The following LHFPL3 variants were observed in gnomAD, a reference collection of about 807,000 sequenced individuals.
LHFPL3 encodes LHFPL tetraspan subfamily member 3.
A neutral mutation model predicts 19.3 loss-of-function variants in LHFPL3; 5 were observed. That is an observed-to-expected ratio of 0.26 (90% CI 0.14 to 0.54). LHFPL3 has a LOEUF of 0.54. Ranked by LOEUF, LHFPL3 falls within the 20% of genes least tolerant of loss-of-function variation. The pLI, the probability that LHFPL3 is intolerant of heterozygous loss-of-function variation, is 0.94. For missense variants in LHFPL3, 249 were observed against 307.4 expected, an observed-to-expected ratio of 0.81 and a Z score of 1.42; for synonymous variants, 133 against 126.2, an observed-to-expected ratio of 1.05 and a Z score of -0.36.
At chr7:104,354,073 T>A (rs186143408) in intron 1 of LHFPL3, among the ~76,000 whole-genome samples, 1 of 152,356 alleles carries the variant, frequency 6.6e-6, no homozygotes, top group Admixed American at 6.5e-5. Flanking sequence ...AAAAAATCTC[T>A]CTTGTGTTCC....
At position 104,684,766 on chromosome 7, in the gene LHFPL3, T is replaced by C. The variant is rs565695682; in HGVS notation, c.446-51909T>C. Among the ~76,000 whole-genome samples the C allele has an allele frequency of 7.9e-5, 12 of 152,256 alleles. No individual in the cohort carries two copies. In the East Asian group the frequency reaches 2.3e-3, roughly 29 times the overall value. On this transcript the variant is annotated intron_variant, in intron 1 of 2. Coordinates refer to ENST00000424859, the MANE Select transcript of LHFPL3 (RefSeq NM_199000.3). ...CAGCCCTAGACACTCTACCCTGCCATTCCCTGCCAGGACCAGCCCAGGGCA... is the reference window on the plus strand; with the variant it reads ...CAGCCCTAGACACTCTACCCTGCCACTCCCTGCCAGGACCAGCCCAGGGCA...
At chr7:104,899,300 G>A (rs1792436149) in intron 2 of LHFPL3, among the ~76,000 whole-genome samples, 1 of 152,160 alleles carries the variant, frequency 6.6e-6, no homozygotes, top group African/African-American at 2.4e-5. Flanking sequence ...CAGCTGGTAA[G>A]TTGTTGAATT....
intron 1 of LHFPL3, among the ~76,000 whole-genome samples, chr7:104,345,542 G>A (rs1790048801): frequency 6.6e-6 from 1 of 152,070 alleles, no homozygotes; most frequent in African/African-American, 2.4e-5. Context: ...AGCAGGAATT[G>A]CCTGCAACCA....
intron 1 of LHFPL3, among the ~76,000 whole-genome samples, chr7:104,600,725 A>G (rs554740506): frequency 6.6e-6 from 1 of 152,302 alleles, no homozygotes; most frequent in African/African-American, 2.4e-5. Context: ...ATAGCACCCT[A>G]TGGCCTATAA....
intron 2 of LHFPL3, among the ~76,000 whole-genome samples, chr7:104,871,934 AG>A (rs1427629775): frequency 2.0e-5 from 3 of 152,092 alleles, no homozygotes; most frequent in Non-Finnish European, 4.4e-5. Context: ...CTGGGATTAC[AG>A]GTGTGAGCCA....
intron 2 of LHFPL3, among the ~76,000 whole-genome samples, chr7:104,743,637 T>TG (rs1793978148): frequency 6.6e-6 from 1 of 152,212 alleles, no homozygotes. Context: ...CCATATAACC[T>TG]TTTCATTGAT....
rs531335106 is a variant in LHFPL3, at chr7:104,674,372, C to CTTTT, written c.446-62289_446-62286dup. Among the ~76,000 whole-genome samples, 4 of 134,688 alleles carry CTTTT rather than the reference C, an allele frequency of 3.0e-5. No individual in the cohort carries two copies. The East Asian group carries it at 8.6e-4, about 29-fold the overall frequency. 88.4% of individuals were successfully genotyped at this position (134,688 alleles called of 152,430 possible). A position where few individuals can be genotyped will look rare whatever the true frequency, so the allele number is the denominator to read the frequency against. On this transcript the variant is annotated intron_variant, in intron 1 of 2. Transcript: ENST00000424859. ...ACTTCCTGTTTTTCTTTTTCTTTTT[C>CTTTT]TTTTTTTTTTTTTTTTTGACGGATT...
intron 1 of LHFPL3, among the ~76,000 whole-genome samples, chr7:104,388,475 A>G (rs1360790962): frequency 6.6e-6 from 1 of 152,156 alleles, no homozygotes; most frequent in Non-Finnish European, 1.5e-5. Context: ...AAAGTGCTGA[A>G]AAGAAGGTCA....
chr7:104,805,355 T>C (rs1790338662), intron 2 of LHFPL3, among the ~76,000 whole-genome samples: 1 of 152,202 alleles, frequency 6.6e-6, no homozygotes, highest in South Asian at 2.1e-4. Context: ...GACCCCAAAA[T>C]AATTGCTTCC....
intron 1 of LHFPL3, among the ~76,000 whole-genome samples, chr7:104,537,137 C>T (rs1794404104): frequency 6.6e-6 from 1 of 152,182 alleles, no homozygotes; most frequent in African/African-American, 2.4e-5. Flanking sequence ...AAGTGGGGCT[C>T]ACCTCCTGCA....
chr7:104,353,204 A>G (rs75770198), intron 1 of LHFPL3, among the ~76,000 whole-genome samples: 11,735 of 152,276 alleles, frequency 0.077, 566 homozygotes, highest in East Asian at 0.13. Context: ...GAACCAGACA[A>G]TGGAGAAGTG....
At chr7:104,792,593 T>C (rs961838389) in intron 2 of LHFPL3, among the ~76,000 whole-genome samples, 2 of 152,314 alleles carry the variant, frequency 1.3e-5, no homozygotes, top group South Asian at 2.1e-4. Flanking sequence ...AAGCACTTTG[T>C]TCCTGTACCT....
At chr7:104,375,467 A>G (rs1343645243) in intron 1 of LHFPL3, among the ~76,000 whole-genome samples, 3 of 152,232 alleles carry the variant, frequency 2.0e-5, no homozygotes, top group African/African-American at 7.2e-5. Flanking sequence ...GGCAAAATTG[A>G]AAGCTGTAAG....
intron 1 of LHFPL3, among the ~76,000 whole-genome samples, chr7:104,625,824 C>T (rs1791533833): frequency 6.6e-6 from 1 of 152,050 alleles, no homozygotes; most frequent in Non-Finnish European, 1.5e-5. Flanking sequence ...TGAATATGAC[C>T]CTATCAACCA....
At chr7:104,534,417 A>T (rs576659121) in intron 1 of LHFPL3, among the ~76,000 whole-genome samples, 175 of 152,252 alleles carry the variant, frequency 1.1e-3, no homozygotes, top group African/African-American at 4.1e-3. Context: ...CCACACTTCC[A>T]TCTCGGCTCC....
rs1301241895 is a variant in LHFPL3 at position 104,833,418 on chromosome 7, T to TA, written c.683-72768dup. On this transcript the variant is annotated intron_variant, in intron 2 of 2. Coordinates refer to ENST00000424859, the MANE Select transcript of LHFPL3 (RefSeq NM_199000.3). The stretch of plus-strand genomic sequence containing the variant: ...ATATATATTATATATATATATATAA[T>TA]ATATATATATATATATGCTCCTCAA... Among the ~76,000 whole-genome samples the TA allele has an allele frequency of 5.9e-4, 3 of 5,072 alleles. 1 individual carries two copies. The highest frequency in any genetic ancestry group is 1.8e-3 in the Non-Finnish European group (3 of 1,664). The allele number at this position is 5,072 out of a possible 152,430, so 3.3% of individuals were successfully genotyped here.
chr7:104,705,098 A>G (rs1268966379), intron 1 of LHFPL3, among the ~76,000 whole-genome samples: 3 of 152,196 alleles, frequency 2.0e-5, no homozygotes, highest in Non-Finnish European at 4.4e-5. Flanking sequence ...GGGAACTTAA[A>G]AGATTTATTT....
chr7:104,351,945 C>T (rs1034701381), intron 1 of LHFPL3, among the ~76,000 whole-genome samples: 2 of 152,092 alleles, frequency 1.3e-5, no homozygotes, highest in African/African-American at 2.4e-5. Flanking sequence ...ATGCCTGTAA[C>T]CCCAAAGCTT....
intron 1 of LHFPL3, among the ~76,000 whole-genome samples, chr7:104,503,571 T>C (rs932493308): frequency 3.3e-5 from 5 of 152,270 alleles, no homozygotes; most frequent in African/African-American, 7.2e-5. Context: ...TTAATTTTAA[T>C]ATTTTCTTTT....
Sources: gnomAD v4.1 joint callset for allele counts (sites outside exome capture counted in the v4.1 genomes callset) on GRCh38, gnomAD v4.1.1 for gene constraint, MANE v1.5 for transcripts, NCBI Gene and HGNC (gene_info 2026-07-23, HGNC 2026-07-21) for gene names.